The following IL1RAPL2 variants were observed in gnomAD, a reference collection of about 807,000 sequenced individuals.
The protein encoded by IL1RAPL2 is interleukin 1 receptor accessory protein like 2, also known as X-linked interleukin-1 receptor accessory protein-like 2.
IL1RAPL2 carries 3 observed loss-of-function variants against 44.1 expected under a neutral mutation model. The ratio of observed to expected loss-of-function variants is 0.07; its 90% CI spans 0.03 to 0.18. IL1RAPL2 has a LOEUF of 0.18. Among genes scored for constraint, IL1RAPL2 ranks in the 10% least tolerant of loss-of-function variants. The pLI, the probability that IL1RAPL2 is intolerant of heterozygous loss-of-function variation, is 1.00. For synonymous variants in IL1RAPL2, 181 were observed against 178.8 expected (o/e 1.01, Z -0.10); for missense variants, 391 against 496.4 (o/e 0.79, Z 2.02).
intron 6 of IL1RAPL2, among the ~76,000 whole-genome samples, chrX:105,540,851 A>G (rs2036721246): frequency 1.0e-5 from 1 of 96,235 alleles, no homozygotes; most frequent in African/African-American, 4.4e-5. Context: ...ATACATACAT[A>G]TATTATATAT....
intron 6 of IL1RAPL2, among the ~76,000 whole-genome samples, chrX:105,665,753 T>TTTTTTTTTTTGTTG (rs2037759802): frequency 1.4e-5 from 1 of 69,315 alleles, no homozygotes; most frequent in African/African-American, 5.6e-5. Flanking sequence ...TTTTTTTTTT[T>TTTTTTTTTTTGTTG]TTGTTGTTGT....
chrX:104,755,495 C>T (rs1238188474), intron 2 of IL1RAPL2, among the ~76,000 whole-genome samples: 1 of 110,199 alleles, frequency 9.1e-6, no homozygotes, highest in Non-Finnish European at 1.9e-5. Context: ...ATATAACAAA[C>T]ATGCACATGT....
intron 2 of IL1RAPL2, among the ~76,000 whole-genome samples, chrX:104,745,198 T>G (rs1379345209): frequency 9.0e-6 from 1 of 111,492 alleles, no homozygotes; most frequent in Non-Finnish European, 1.9e-5. Context: ...TGATTTTCCT[T>G]TACGTGCTTT....
At chrX:105,203,090 C>T (rs782379554) in intron 3 of IL1RAPL2, among the ~76,000 whole-genome samples, 1 of 111,896 alleles carries the variant, frequency 8.9e-6, no homozygotes, top group East Asian at 2.8e-4. Flanking sequence ...ACTACATCTG[C>T]CCACCTACTG....
At chrX:104,606,422 C>T (rs1269667115) in intron 1 of IL1RAPL2, among the ~76,000 whole-genome samples, 1 of 111,743 alleles carries the variant, frequency 8.9e-6, no homozygotes, top group Non-Finnish European at 1.9e-5. Context: ...GACAAGGATG[C>T]CCTCTCTCAC....
At chrX:105,015,323 C>T (rs1179233023) in intron 2 of IL1RAPL2, among the ~76,000 whole-genome samples, 1 of 110,800 alleles carries the variant, frequency 9.0e-6, no homozygotes, top group Non-Finnish European at 1.9e-5. Context: ...TAATTAGATC[C>T]CGTTTGTGAA....
At chrX:105,435,402 G>A (rs1400745084) in intron 5 of IL1RAPL2, among the ~76,000 whole-genome samples, 1 of 111,273 alleles carries the variant, frequency 9.0e-6, no homozygotes, top group African/African-American at 3.3e-5. Context: ...ACAGATGCTG[G>A]CAAGGCTGTG....
intron 2 of IL1RAPL2, among the ~76,000 whole-genome samples, chrX:104,939,046 C>T (rs1409546508): frequency 3.8e-5 from 3 of 78,187 alleles, no homozygotes; most frequent in Non-Finnish European, 7.3e-5. Context: ...ACAATGCATG[C>T]TAGCTTTTTT....
chrX:104,632,812 C>T (rs748672777), intron 1 of IL1RAPL2, among the ~76,000 whole-genome samples: 1 of 108,728 alleles, frequency 9.2e-6, no homozygotes, highest in East Asian at 3.0e-4. Flanking sequence ...TTCCTCTTTT[C>T]CTATTTGAAT....
At chrX:105,224,488 T>G (rs1556186493) in intron 3 of IL1RAPL2, among the ~76,000 whole-genome samples, 2 of 111,383 alleles carry the variant, frequency 1.8e-5, no homozygotes, top group Non-Finnish European at 3.8e-5. Context: ...TCTGACACAG[T>G]AGAGAATTCT....
At chrX:105,748,181 G>A (rs1194438566) in intron 8 of IL1RAPL2, among the ~76,000 whole-genome samples, 4 of 111,204 alleles carry the variant, frequency 3.6e-5, no homozygotes, top group African/African-American at 1.3e-4. Flanking sequence ...CCTGAGCCTG[G>A]GAGACATTAT....
At chrX:105,284,121 A>T (rs1345635681) in intron 5 of IL1RAPL2, among the ~76,000 whole-genome samples, 1 of 111,705 alleles carries the variant, frequency 9.0e-6, no homozygotes, top group Non-Finnish European at 1.9e-5. Context: ...TGCCATATTA[A>T]TCATTTTACA....
intron 1 of IL1RAPL2, among the ~76,000 whole-genome samples, chrX:104,584,867 A>T (rs1393962427): frequency 2.7e-5 from 3 of 110,769 alleles, no homozygotes; most frequent in Non-Finnish European, 5.7e-5. Context: ...CCTGTCAAAA[A>T]GATAGACTCA....
intron 1 of IL1RAPL2, among the ~76,000 whole-genome samples, chrX:104,592,144 T>G (rs1928678989): frequency 1.1e-5 from 1 of 87,029 alleles, no homozygotes; most frequent in Non-Finnish European, 2.2e-5. Context: ...AATGCCCGTA[T>G]ATGTGTGTGT....
intron 5 of IL1RAPL2, among the ~76,000 whole-genome samples, chrX:105,360,354 C>A (rs1307384557): frequency 1.8e-5 from 2 of 111,489 alleles, no homozygotes; most frequent in South Asian, 3.7e-4. Flanking sequence ...TTTATTACAA[C>A]AAATATTTAT....
chrX:105,335,578 T>A (rs760853844), intron 5 of IL1RAPL2, among the ~76,000 whole-genome samples: 70 of 111,392 alleles, frequency 6.3e-4, no homozygotes, highest in Non-Finnish European at 6.8e-4. Context: ...ACAGAGATTT[T>A]AAATTAATGT....
intron 4 of IL1RAPL2, among the ~76,000 whole-genome samples, chrX:105,243,997 A>G (rs7051383): frequency 9.0e-6 from 1 of 111,163 alleles, no homozygotes; most frequent in Non-Finnish European, 1.9e-5. Context: ...ATATTGAAAT[A>G]TTTTTAGAAG....
At chrX:104,619,496 G>A (rs1929344050) in intron 1 of IL1RAPL2, among the ~76,000 whole-genome samples, 1 of 111,688 alleles carries the variant, frequency 9.0e-6, no homozygotes, top group Non-Finnish European at 1.9e-5. Context: ...TGCTGTCACG[G>A]GGGCTGTTTG....
At chrX:105,185,201 A>T (rs1475784316) in intron 2 of IL1RAPL2, among the ~76,000 whole-genome samples, 4 of 111,794 alleles carry the variant, frequency 3.6e-5, no homozygotes, top group Non-Finnish European at 5.6e-5. Context: ...ATCTCAAGGC[A>T]GGGGTTTGAT....
Sources: allele counts gnomAD v4.1 joint callset (sites outside exome capture counted in the v4.1 genomes callset), GRCh38; gene constraint gnomAD v4.1.1; transcripts MANE v1.5; gene names NCBI Gene and HGNC (gene_info 2026-07-23, HGNC 2026-07-21).